Variants in MTERF4 observed in about 807,000 individuals in gnomAD.
The protein encoded by MTERF4 is mitochondrial transcription termination factor 4, also known as transcription termination factor 4, mitochondrial.
Under a neutral mutation model 22.5 loss-of-function variants are expected in MTERF4, and 17 were observed. The ratio of observed to expected loss-of-function variants is 0.75; its 90% CI spans 0.52 to 1.13. The LOEUF (loss-of-function observed/expected upper bound fraction) is 1.13. Among genes scored for constraint, MTERF4 ranks in the 50% most tolerant of loss-of-function variants. The pLI, the probability that MTERF4 is intolerant of heterozygous loss-of-function variation, is 0.00. For missense variants in MTERF4, 420 were observed against 466.8 expected, an observed-to-expected ratio of 0.90 and a Z score of 0.92; for synonymous variants, 165 against 175.3, an observed-to-expected ratio of 0.94 and a Z score of 0.47.
downstream of MTERF4, among the ~76,000 whole-genome samples, chr2:241,070,825 AAG>A (rs2062673517): frequency 6.6e-6 from 1 of 152,214 alleles, no homozygotes; most frequent in Non-Finnish European, 1.5e-5. Context: ...GGAGAGAAGA[AAG>A]AGACGGAGAC....
At chr2:241,083,382 G>C (rs560863847), downstream of MTERF4, among the ~76,000 whole-genome samples, 2 of 110,568 alleles carry the variant, frequency 1.8e-5, no homozygotes, top group Non-Finnish European at 3.3e-5. Flanking sequence ...GTGTTTGTCC[G>C]GCATGAAATG....
chr2:241,088,642 T>G (rs1387804538), downstream of MTERF4: 25 of 546,690 alleles, frequency 4.6e-5, no homozygotes, highest in East Asian at 7.2e-4. Flanking sequence ...AATGAGGCTC[T>G]CTGTGGATAG....
chr2:241,090,251 C>G (rs1415037097), downstream of MTERF4: 2 of 1,511,722 alleles, frequency 1.3e-6, no homozygotes, highest in Non-Finnish European at 1.8e-6. Context: ...AACTAAGACA[C>G]AAACACACAC....
chr2:241,053,060 C>G, the MTERF4 span: 1 of 1,247,374 alleles, frequency 8.0e-7, no homozygotes, highest in Non-Finnish European at 1.1e-6. Flanking sequence ...CAGGACATCC[C>G]TGGGCCCTGC....
At chr2:241,083,147 G>T (rs982986245), downstream of MTERF4, among the ~76,000 whole-genome samples, 1 of 152,238 alleles carries the variant, frequency 6.6e-6, no homozygotes, top group African/African-American at 2.4e-5. Context: ...ACGAGACCAG[G>T]AGAGCCTGCT....
At chr2:241,078,983 A>G (rs1377870997) in intron 4 of MTERF4, among the ~76,000 whole-genome samples, 1 of 151,720 alleles carries the variant, frequency 6.6e-6, no homozygotes, top group Non-Finnish European at 1.5e-5. Flanking sequence ...GCATGGTGGC[A>G]CACGCCTATA....
At chr2:241,048,382 G>A in the MTERF4 span, 2 of 1,611,948 alleles carry the variant, frequency 1.2e-6, no homozygotes, top group South Asian at 2.2e-5. Flanking sequence ...GTGTGGATGC[G>A]GACCAGGGCT....
chr2:241,052,635 C>CA, the MTERF4 span, among the ~76,000 whole-genome samples: 9 of 88,508 alleles, frequency 1.0e-4, no homozygotes, highest in African/African-American at 3.3e-4. Context: ...GTGAGAGGGC[C>CA]GGGGGGCCAA....
chr2:241,054,166 A>G, the MTERF4 span, among the ~76,000 whole-genome samples: 2 of 152,014 alleles, frequency 1.3e-5, no homozygotes, highest in Non-Finnish European at 2.9e-5. Flanking sequence ...TGTCTTGGAG[A>G]TGACCCCCCC....
chr2:241,094,127 G>C, downstream of MTERF4: 1 of 360,680 alleles, frequency 2.8e-6, no homozygotes, highest in South Asian at 2.1e-5. The surrounding 1 kb of genome is among the most constrained non-coding windows in gnomAD (Gnocchi z 4.3). Context: ...AAACAGTTTT[G>C]CCTATGGCCA....
Position 241,099,669 on chromosome 2 carries a change from T to A in MTERF4, c.247A>T (p.Thr83Ser), listed in dbSNP as rs1229741870. The A allele has an allele frequency of 1.9e-6, 3 of 1,613,842 alleles. No homozygotes were observed. The highest frequency in any genetic ancestry group is 2.7e-5 in the African/African-American group (2 of 74,834). The part of the protein sequence containing the change: ...LVQCLLEKQG[T>S]PVVQGSLELE... ...TCCAAGGACCCTTGTACCACAGGAG[T>A]CCCCTGCTTCTCAAGGAGGCACTGA... The change falls in exon 2 of 4, where the codon ACT becomes TCT. Residue 83 changes from threonine to serine, a missense_variant. Coordinates refer to ENST00000391980, the MANE Select transcript of MTERF4 (RefSeq NM_182501.4).
At chr2:241,060,121 A>G in the MTERF4 span, among the ~76,000 whole-genome samples, 1 of 152,226 alleles carries the variant, frequency 6.6e-6, no homozygotes, top group Non-Finnish European at 1.5e-5. Context: ...TAGCATCAAA[A>G]ACATGATAAA....
At chr2:241,044,754 G>C in the MTERF4 span, among the ~76,000 whole-genome samples, 1 of 152,282 alleles carries the variant, frequency 6.6e-6, no homozygotes, top group African/African-American at 2.4e-5. Flanking sequence ...AGGTGCTGTG[G>C]TTTCAAAGGG....
chr2:241,085,401 CTG>C (rs1235546520), downstream of MTERF4, among the ~76,000 whole-genome samples: 2 of 152,158 alleles, frequency 1.3e-5, no homozygotes, highest in African/African-American at 4.8e-5. Flanking sequence ...TTTATTAATA[CTG>C]TGTTTTATCA....
At chr2:241,070,048 A>T (rs183525741), downstream of MTERF4, 802 of 1,613,064 alleles carry the variant, frequency 5.0e-4, 1 homozygote, top group Admixed American at 1.2e-3. Flanking sequence ...CAGCCAGAGC[A>T]CCAAGAGCCG....
downstream of MTERF4, among the ~76,000 whole-genome samples, chr2:241,085,134 G>A (rs547352960): frequency 1.3e-5 from 2 of 152,088 alleles, no homozygotes; most frequent in East Asian, 3.9e-4. Flanking sequence ...TAAGCTTCTT[G>A]TATTTCTGGG....
At chr2:241,052,585 G>A in the MTERF4 span, 1 of 806,030 alleles carries the variant, frequency 1.2e-6, no homozygotes, top group Admixed American at 2.1e-5. Flanking sequence ...GAGAGGGCCA[G>A]GGGGCCAAGC....
chr2:241,045,602 A>G, the MTERF4 span, among the ~76,000 whole-genome samples: 128 of 150,958 alleles, frequency 8.5e-4, no homozygotes, highest in African/African-American at 2.8e-3. Flanking sequence ...TATATGTATA[A>G]AAAAAAAACC....
intron 2 of MTERF4, among the ~76,000 whole-genome samples, chr2:241,098,333 GAGA>G (rs1405000280): frequency 1.3e-5 from 2 of 152,164 alleles, no homozygotes; most frequent in Non-Finnish European, 1.5e-5. Flanking sequence ...TTATCTTCTA[GAGA>G]AGGAGGCCTG....
Sources: allele counts gnomAD v4.1 joint callset (sites outside exome capture counted in the v4.1 genomes callset), GRCh38; gene constraint gnomAD v4.1.1; non-coding constraint Gnocchi (gnomAD v3.1); transcripts MANE v1.5; gene names NCBI Gene and HGNC (gene_info 2026-07-23, HGNC 2026-07-21).